ELMO1: variants seen among roughly 807,000 people sequenced by gnomAD.
ELMO1 encodes engulfment and cell motility 1.
In ELMO1, 26 loss-of-function variants were observed where a neutral mutation model predicts 98.9. That is an observed-to-expected ratio of 0.26 (90% CI 0.19 to 0.36). The LOEUF (loss-of-function observed/expected upper bound fraction) is 0.36. Among genes scored for constraint, ELMO1 ranks in the 10% least tolerant of loss-of-function variants. The probability of loss-of-function intolerance (pLI) is 1.00; values close to 1 mark genes in which losing one functional copy is unlikely to be tolerated. For synonymous variants in ELMO1, 346 were observed against 346.0 expected (o/e 1.00, Z 0.00); for missense variants, 627 against 935.2 (o/e 0.67, Z 4.30).
chr7:36,983,340 C>T (rs1002745300), intron 16 of ELMO1, among the ~76,000 whole-genome samples: 2 of 152,190 alleles, frequency 1.3e-5, no homozygotes, highest in Non-Finnish European at 2.9e-5. Flanking sequence ...TAATAATTCA[C>T]CCAACCACCC....
At chr7:36,897,349 T>TGTGTGA (rs1370708472) in intron 16 of ELMO1, among the ~76,000 whole-genome samples, 1 of 151,622 alleles carries the variant, frequency 6.6e-6, no homozygotes, top group Non-Finnish European at 1.5e-5. Context: ...TGTGTGTGTG[T>TGTGTGA]GAAAGAGTGT....
At chr7:37,355,908 C>G (rs1015127457) in intron 1 of ELMO1, among the ~76,000 whole-genome samples, 32 of 152,338 alleles carry the variant, frequency 2.1e-4, no homozygotes, top group African/African-American at 7.7e-4. Flanking sequence ...CACATCTTCA[C>G]CAACTGTATG....
At chr7:37,217,409 C>G (rs1182959456) in intron 10 of ELMO1, among the ~76,000 whole-genome samples, 3 of 152,088 alleles carry the variant, frequency 2.0e-5, no homozygotes, top group Non-Finnish European at 4.4e-5. Flanking sequence ...AGTCTTGGAG[C>G]ACTTGGAGCC....
rs577056447 is a variant in ELMO1 at position 37,345,987 on chromosome 7, T to TGA, written c.-73-3225_-73-3224insTC. 3.1e-4 allele frequency among the ~76,000 whole-genome samples: 35 copies of TGA among 114,474 alleles called. 1 individual carries two copies. Among genetic ancestry groups the TGA allele is most frequent in the East Asian group, 4.9e-4 (2 of 4,120 alleles). 75.1% of individuals were successfully genotyped at this position (114,474 alleles called of 152,430 possible). On this transcript the variant is annotated intron_variant, in intron 1 of 21. Transcript: ENST00000310758. Reference sequence around the variant, plus strand: ...CTGGGCAACAGAGCAAGACTCCATCTAAAAAAAAAAAAAAAAAAAGACATC... The same window carrying TGA: ...CTGGGCAACAGAGCAAGACTCCATCTGAAAAAAAAAAAAAAAAAAAAGACATC...
chr7:37,178,888 T>A (rs1354204316), intron 13 of ELMO1, among the ~76,000 whole-genome samples: 2 of 152,202 alleles, frequency 1.3e-5, no homozygotes, highest in African/African-American at 4.8e-5. Context: ...ACTGAGAAGC[T>A]GTCGCAGGTT....
At chr7:37,229,283 GT>G (rs139226113) in intron 8 of ELMO1, among the ~76,000 whole-genome samples, 5 of 151,358 alleles carry the variant, frequency 3.3e-5, no homozygotes, top group African/African-American at 9.7e-5. Flanking sequence ...AACACCTAAA[GT>G]TTTTTTTTCT....
In ELMO1 at chr7:37,335,176, T is replaced by C. The variant is rs188945370; in HGVS notation, c.78+7437A>G. ...AAAGCTACAGGCAAAGAAAATGATA[T>C]AAGAAATTAGAAAACTGGAGAAAAG... On this transcript the variant is annotated intron_variant, in intron 2 of 21. Coordinates refer to ENST00000310758, the MANE Select transcript of ELMO1 (RefSeq NM_014800.11). Among the ~76,000 whole-genome samples, 8 of 152,174 alleles carry C rather than the reference T, an allele frequency of 5.3e-5. No homozygotes were observed. The East Asian group carries it at 9.6e-4, about 18-fold the overall frequency.
intron 14 of ELMO1, among the ~76,000 whole-genome samples, chr7:37,106,316 T>C (rs1584653150): frequency 6.6e-6 from 1 of 152,046 alleles, no homozygotes; most frequent in African/African-American, 2.4e-5. Flanking sequence ...CATGAGGGCT[T>C]CTCTCTCGTG....
At chr7:36,993,437 T>C (rs982573451) in intron 16 of ELMO1, among the ~76,000 whole-genome samples, 1 of 152,152 alleles carries the variant, frequency 6.6e-6, no homozygotes, top group Non-Finnish European at 1.5e-5. Flanking sequence ...AAAAACAGGA[T>C]TGCTGTTCTT....
At chr7:36,994,743 T>C (rs369291794) in intron 16 of ELMO1, among the ~76,000 whole-genome samples, 3 of 152,376 alleles carry the variant, frequency 2.0e-5, no homozygotes, top group South Asian at 2.1e-4. Flanking sequence ...TCCAGCTCTG[T>C]CTGCAATGTG....
chr7:36,996,801 G>C (rs1482471604), intron 16 of ELMO1, among the ~76,000 whole-genome samples: 1 of 152,172 alleles, frequency 6.6e-6, no homozygotes, highest in African/African-American at 2.4e-5. Context: ...CCTCCTTGCT[G>C]AGGGAACACA....
chr7:37,344,636 G>A (rs1417979228), intron 1 of ELMO1, among the ~76,000 whole-genome samples: 4 of 152,174 alleles, frequency 2.6e-5, no homozygotes, highest in Admixed American at 2.6e-4. Context: ...AATATTGATA[G>A]CCATTTCCAA....
At chr7:37,283,797 A>G (rs904529086) in intron 4 of ELMO1, among the ~76,000 whole-genome samples, 3 of 152,226 alleles carry the variant, frequency 2.0e-5, no homozygotes, top group African/African-American at 7.2e-5. Flanking sequence ...AGTGCTGCAC[A>G]GCCAGCGGCC....
rs933050163 is a variant in ELMO1, at chr7:37,411,269, T to C, written c.-74+37406A>G. On this transcript the variant is annotated intron_variant, in intron 1 of 21. Coordinates refer to ENST00000310758, the MANE Select transcript of ELMO1 (RefSeq NM_014800.11). ...AGCAAACAAAGTTCCCTCTCTTTCA[T>C]TTACCGCTAGCCGTTGGTTTCTTCT... Among the ~76,000 whole-genome samples, 9 of 152,342 alleles carry C rather than the reference T, an allele frequency of 5.9e-5. No individual in the cohort carries two copies. In the South Asian group the frequency reaches 1.9e-3, roughly 32 times the overall value.
At chr7:37,297,771 G>T (rs980966060) in intron 4 of ELMO1, among the ~76,000 whole-genome samples, 1 of 152,162 alleles carries the variant, frequency 6.6e-6, no homozygotes, top group Non-Finnish European at 1.5e-5. Flanking sequence ...CAAGTGCCTT[G>T]CAAACTGTGT....
chr7:36,865,178 A>C (rs1009731524), intron 20 of ELMO1, among the ~76,000 whole-genome samples: 1 of 152,198 alleles, frequency 6.6e-6, no homozygotes, highest in Non-Finnish European at 1.5e-5. Context: ...GTAACTCACC[A>C]CATATGGCCA....
intron 14 of ELMO1, among the ~76,000 whole-genome samples, chr7:37,123,945 A>C (rs1242310519): frequency 6.6e-6 from 1 of 152,224 alleles, no homozygotes; most frequent in Non-Finnish European, 1.5e-5. Flanking sequence ...CACCATGATC[A>C]AGTGGGCTTC....
intron 7 of ELMO1, among the ~76,000 whole-genome samples, chr7:37,234,652 C>G (rs1486551561): frequency 6.6e-6 from 1 of 151,884 alleles, no homozygotes; most frequent in Non-Finnish European, 1.5e-5. Context: ...TCCTATGCTT[C>G]TCTTTCCTCA....
intron 15 of ELMO1, among the ~76,000 whole-genome samples, chr7:37,087,536 T>A (rs1425834681): frequency 6.6e-6 from 1 of 152,204 alleles, no homozygotes; most frequent in African/African-American, 2.4e-5. Context: ...TGGGTTTAAA[T>A]TGAAATTAGC....
Sources: allele counts gnomAD v4.1 joint callset (sites outside exome capture counted in the v4.1 genomes callset), GRCh38; gene constraint gnomAD v4.1.1; transcripts MANE v1.5; gene names NCBI Gene and HGNC (gene_info 2026-07-23, HGNC 2026-07-21).